DCTD: variants seen among roughly 807,000 people sequenced by gnomAD.
DCTD encodes the protein dCMP deaminase.
In DCTD, 23 loss-of-function variants were observed where a neutral mutation model predicts 21.0. That is an observed-to-expected ratio of 1.09 (90% CI 0.79 to 1.55). DCTD has a LOEUF of 1.55. Ranked by LOEUF, DCTD falls within the 40% of genes most tolerant of loss-of-function variation. DCTD has a pLI of 0.00. For synonymous variants in DCTD, 71 were observed against 81.1 expected (o/e 0.88, Z 0.67); for missense variants, 224 against 230.0 (o/e 0.97, Z 0.17).
intron 3 of DCTD, among the ~76,000 whole-genome samples, chr4:182,914,689 A>G (rs942674222): frequency 6.6e-6 from 1 of 152,262 alleles, no homozygotes; most frequent in Non-Finnish European, 1.5e-5. Flanking sequence ...GGCTCAGCAC[A>G]GGCAGCAGAG....
intron 3 of DCTD, among the ~76,000 whole-genome samples, chr4:182,913,955 C>T (rs1738196615): frequency 6.6e-6 from 1 of 151,958 alleles, no homozygotes; most frequent in Non-Finnish European, 1.5e-5. Context: ...GTTTACAGTT[C>T]TACACTTCTA....
chr4:182,891,376 C>T lies in DCTD; in HGVS notation c.*23G>A. 4 of 1,537,794 alleles carry T rather than the reference C, an allele frequency of 2.6e-6. No individual in the cohort carries two copies. Among genetic ancestry groups the T allele is most frequent in the South Asian group, 1.1e-5 (1 of 89,434 alleles). Reference sequence around the variant, plus strand: ...CTTAGAAGACGATAATCCCAATCTTCTGGAGATTGAATGAGATGTAACTCA... The same window carrying T: ...CTTAGAAGACGATAATCCCAATCTTTTGGAGATTGAATGAGATGTAACTCA... On this transcript the variant is annotated 3_prime_UTR_variant, in exon 6 of 6. Coordinates refer to ENST00000438320, the MANE Select transcript of DCTD (RefSeq NM_001921.3).
chr4:182,917,045 C>T lies in DCTD; in HGVS notation c.-8+266G>A, dbSNP rs931477312. 3.8e-5 allele frequency: 38 copies of T among 987,674 alleles called. No individual in the cohort carries two copies. The highest frequency in any genetic ancestry group is 4.3e-5 in the Non-Finnish European group (36 of 831,680). 61.2% of individuals were successfully genotyped at this position (987,674 alleles called of 1,614,324 possible). ...TGTTCAGACGCCCAGCACCACCTCC[C>T]GGGGCACTCCAAGGGGCCCGGCCTC... On this transcript the variant is annotated intron_variant, in intron 1 of 5. Coordinates refer to ENST00000438320, the MANE Select transcript of DCTD (RefSeq NM_001921.3). The surrounding 1 kb of genome is among the most constrained non-coding windows in gnomAD (Gnocchi z 4.9).
At chr4:182,909,653 T>C (rs1256340963) in intron 3 of DCTD, among the ~76,000 whole-genome samples, 2 of 152,214 alleles carry the variant, frequency 1.3e-5, no homozygotes, top group African/African-American at 4.8e-5. Context: ...AAGAAGCTCT[T>C]ACAAGTTGTG....
chr4:182,892,610 A>G (rs909960388), intron 5 of DCTD, among the ~76,000 whole-genome samples: 1 of 142,744 alleles, frequency 7.0e-6, no homozygotes, highest in Non-Finnish European at 1.5e-5. Context: ...GCCTGGTGAC[A>G]GAGCGAGACT....
Position 182,915,621 on chromosome 4 carries a change from G to T in DCTD, c.-7-46C>A, listed in dbSNP as rs1226019248. The T allele has an allele frequency of 2.3e-6, 3 of 1,304,978 alleles. No homozygotes were observed. The African/African-American group carries it at 4.3e-5, about 19-fold the overall frequency. The allele number at this position is 1,304,978 out of a possible 1,614,324, so 80.8% of individuals were successfully genotyped here. A position where few individuals can be genotyped will look rare whatever the true frequency, so the allele number is the denominator to read the frequency against. On this transcript the variant is annotated intron_variant, in intron 1 of 5. Coordinates refer to ENST00000438320, the MANE Select transcript of DCTD (RefSeq NM_001921.3). The stretch of plus-strand genomic sequence containing the variant: ...AACAGAAGTTGAGAGAAGCATTTTA[G>T]TAAGTCTGTTTTCCAGTTCAACCCA...
At position 182,914,969 on chromosome 4, in the gene DCTD, A is replaced by T. The variant is rs138881604; in HGVS notation, c.198T>A (p.Pro66=). 3 of 1,614,060 alleles carry T rather than the reference A, an allele frequency of 1.9e-6. No individual in the cohort carries two copies. In the African/African-American group the frequency reaches 4.0e-5, roughly 22 times the overall value. Residue 66 remains proline (P), a synonymous_variant, in exon 3 of 6, where the codon CCT becomes CCA. Coordinates refer to ENST00000438320, the MANE Select transcript of DCTD (RefSeq NM_001921.3). ...GCTTATTCTCTGCTGTCCTTCTCCA[A>T]GGCAACACGTCATCACTGCACCCAT... ...MPNGCSDDVL[P]WRRTAENKLD... is the part of the protein sequence containing the mutation.
chr4:182,894,682 T>G, intron 3 of DCTD, 77 bp from the exon 4 acceptor site: 3 of 849,412 alleles, frequency 3.5e-6, no homozygotes, highest in Non-Finnish European at 4.1e-6. Flanking sequence ...ACACATTCCA[T>G]TCCCCCCTCT....
intron 3 of DCTD, among the ~76,000 whole-genome samples, chr4:182,903,883 TAGAG>T (rs1008098986): frequency 6.6e-6 from 1 of 152,060 alleles, no homozygotes; most frequent in Non-Finnish European, 1.5e-5. Context: ...ACCTAAGAAA[TAGAG>T]AGAAAAGTCC....
At chr4:182,894,350 C>T (rs577591269) in intron 4 of DCTD, 139 bp downstream of exon 4, 13 of 594,210 alleles carry the variant, frequency 2.2e-5, no homozygotes, top group African/African-American at 5.6e-5. Context: ...AAACAAAACA[C>T]GGGAAATATC....
At chr4:182,901,437 T>G (rs1486815711) in intron 3 of DCTD, among the ~76,000 whole-genome samples, 1 of 152,216 alleles carries the variant, frequency 6.6e-6, no homozygotes, top group South Asian at 2.1e-4. Context: ...TCCTTAGACC[T>G]GAGGGTTGTT....
chr4:182,916,934 C>G, intron 1 of DCTD: 1 of 999,964 alleles, frequency 1.0e-6, no homozygotes, highest in Middle Eastern at 2.9e-4. Flanking sequence ...CAGGCACACC[C>G]CACGCCGCTC....
At chr4:182,903,165 A>G (rs867777243) in intron 3 of DCTD, among the ~76,000 whole-genome samples, 2 of 152,176 alleles carry the variant, frequency 1.3e-5, no homozygotes, top group Non-Finnish European at 2.9e-5. Context: ...AGAACTCTGC[A>G]AATGGGGACT....
Position 182,896,607 on chromosome 4 carries a change from A to G in DCTD, c.245-2002T>C, listed in dbSNP as rs2152855815. Among the ~76,000 whole-genome samples the G allele has an allele frequency of 2.0e-5, 3 of 152,240 alleles. No individual in the cohort carries two copies. In the Middle Eastern group the frequency reaches 0.01, roughly 518 times the overall value. ...CAAGGAAAGACAAGAGAAGGGTGCG[A>G]GGGCCCGGGCTTGGGAAGGCACAAG... On this transcript the variant is annotated intron_variant, in intron 3 of 5. Transcript: ENST00000438320.
At chr4:182,896,095 AC>A (rs1734677790) in intron 3 of DCTD, among the ~76,000 whole-genome samples, 1 of 152,196 alleles carries the variant, frequency 6.6e-6, no homozygotes, top group Non-Finnish European at 1.5e-5. Context: ...AACCTTCTAC[AC>A]GTAACACTTC....
At chr4:182,916,873 G>A (rs1360571976) in intron 1 of DCTD, 2 of 1,016,300 alleles carry the variant, frequency 2.0e-6, no homozygotes, top group South Asian at 3.2e-5. Flanking sequence ...GAAACAGAGA[G>A]AACTGGAGCT....
chr4:182,899,440 C>T (rs1465959927), intron 3 of DCTD, among the ~76,000 whole-genome samples: 3 of 144,754 alleles, frequency 2.1e-5, no homozygotes, highest in Non-Finnish European at 4.5e-5. Flanking sequence ...TCTTGTTGTC[C>T]AGGCTGGAGT....
At position 182,892,588 on chromosome 4, in the gene DCTD, C is replaced by T. The variant is rs951361306; in HGVS notation, c.458+443G>A. Among the ~76,000 whole-genome samples, 9 of 151,772 alleles carry T rather than the reference C, an allele frequency of 5.9e-5. No homozygotes were observed. In the East Asian group the frequency reaches 1.4e-3, roughly 23 times the overall value. On this transcript the variant is annotated intron_variant, in intron 5 of 5. Coordinates refer to ENST00000438320, the MANE Select transcript of DCTD (RefSeq NM_001921.3). ...AGGTTGCAGTGAGCCAGGATCGCAC[C>T]ACTGCACTCTAGCCTGGTGACAGAG... is the stretch of plus-strand genomic sequence containing the variant.
intron 3 of DCTD, among the ~76,000 whole-genome samples, chr4:182,906,891 A>T (rs1736814109): frequency 6.6e-6 from 1 of 152,252 alleles, no homozygotes; most frequent in South Asian, 2.1e-4. Flanking sequence ...CAGCATCAGC[A>T]AGGGGAGCGC....
Sources: allele counts gnomAD v4.1 joint callset (sites outside exome capture counted in the v4.1 genomes callset), GRCh38; gene constraint gnomAD v4.1.1; non-coding constraint Gnocchi (gnomAD v3.1); transcripts MANE v1.5; gene names NCBI Gene and HGNC (gene_info 2026-07-23, HGNC 2026-07-21).